Variants in TEX14 observed in about 807,000 individuals in gnomAD.
TEX14 encodes the protein inactive serine/threonine-protein kinase TEX14.
Under a neutral mutation model 178.6 loss-of-function variants are expected in TEX14, and 168 were observed. That is an observed-to-expected ratio of 0.94 (90% CI 0.83 to 1.07). The LOEUF (loss-of-function observed/expected upper bound fraction) is 1.07. TEX14 is among the 50% of genes least tolerant of loss of function. The pLI, the probability that TEX14 is intolerant of heterozygous loss-of-function variation, is 0.00. For missense variants in TEX14, 1,730 were observed against 1,753.6 expected (o/e 0.99, Z 0.24); for synonymous variants, 626 against 634.1 (o/e 0.99, Z 0.19).
At chr17:58,568,663 A>C (rs2044455318) in intron 26 of TEX14, among the ~76,000 whole-genome samples, 1 of 152,222 alleles carries the variant, frequency 6.6e-6, no homozygotes. Context: ...AATCAGCTGC[A>C]AATAAAATTT....
intron 1 of TEX14, among the ~76,000 whole-genome samples, chr17:58,658,485 G>A (rs1159023800): frequency 6.7e-6 from 1 of 149,908 alleles, no homozygotes; most frequent in Non-Finnish European, 1.5e-5. Flanking sequence ...TGCCTCCTGG[G>A]TTCAAGCGAT....
At position 58,657,761 on chromosome 17, in the gene TEX14, A is replaced by T. The variant is rs538856742; in HGVS notation, c.-1-5759T>A. On this transcript the variant is annotated intron_variant, in intron 1 of 31. Transcript: ENST00000349033. ...TAACTTTGGGAGAAACTTAGTTTAT[A>T]ATTTAAACAAAGATGGTAACAGCCT... 3.3e-5 allele frequency among the ~76,000 whole-genome samples: 5 copies of T among 152,206 alleles called. No individual in the cohort carries two copies. The South Asian group carries it at 1.0e-3, about 32-fold the overall frequency.
intron 5 of TEX14, among the ~76,000 whole-genome samples, chr17:58,618,803 C>T (rs2045933249): frequency 6.6e-6 from 1 of 152,236 alleles, no homozygotes; most frequent in Admixed American, 6.5e-5. Flanking sequence ...CTGCTTTAAG[C>T]TGCTATGCTA....
chr17:58,589,037 G>T (rs528514812), intron 15 of TEX14, among the ~76,000 whole-genome samples: 2 of 151,678 alleles, frequency 1.3e-5, no homozygotes, highest in Non-Finnish European at 2.9e-5. Context: ...ACTTTGGGAG[G>T]CCAGGGCAGG....
At chr17:58,596,768 A>G (rs2045294570) in intron 14 of TEX14, among the ~76,000 whole-genome samples, 1 of 151,184 alleles carries the variant, frequency 6.6e-6, no homozygotes. Flanking sequence ...GGGCGTGCTG[A>G]GACCCCATCT....
intron 9 of TEX14, among the ~76,000 whole-genome samples, chr17:58,611,569 C>T (rs1424054510): frequency 6.6e-6 from 1 of 152,194 alleles, no homozygotes; most frequent in Non-Finnish European, 1.5e-5. Flanking sequence ...TGAGCTGCTT[C>T]ATACCACAAA....
chr17:58,584,565 G>C lies in TEX14; in HGVS notation c.3106C>G (p.Pro1036Ala). 6.2e-7 allele frequency: 1 copy of C among 1,614,094 alleles called. No homozygotes were observed. Among genetic ancestry groups the C allele is most frequent in the Non-Finnish European group, 8.5e-7 (1 of 1,180,002 alleles). ...GCTTGGAAGGCTTCACTATGCTCTG[G>C]TTGCTCCTTTTGTCTGGGAGATGGG... ...RHPSPRQKEQ[P>A]EHSEAFQASS... The change falls in exon 19 of 32, where the codon CCA (proline) becomes GCA (alanine). Residue 1036 changes from proline to alanine, a missense_variant. Around this residue, in one of 2 missense-constraint regions of TEX14, gnomAD observed 941 missense variants for 1,072.4 expected, o/e 0.88. Coordinates refer to ENST00000349033, the MANE Select transcript of TEX14 (RefSeq NM_031272.5).
chr17:58,679,750 C>G (rs2143545653), intron 1 of TEX14: 2 of 152,250 alleles, frequency 1.3e-5, no homozygotes, highest in South Asian at 4.1e-4. Flanking sequence ...AATATAGGAT[C>G]ATTTTTCTCA....
chr17:58,660,175 C>T (rs2143355166), intron 1 of TEX14, among the ~76,000 whole-genome samples: 1 of 150,730 alleles, frequency 6.6e-6, no homozygotes, highest in East Asian at 2.0e-4. Flanking sequence ...GAGGCCGAGG[C>T]GGGTAGATCA....
intron 1 of TEX14, among the ~76,000 whole-genome samples, chr17:58,672,574 T>C (rs1821730557): frequency 6.6e-6 from 1 of 152,022 alleles, no homozygotes; most frequent in African/African-American, 2.4e-5. Context: ...GCTGGGATTA[T>C]AGGCACGCGC....
At chr17:58,629,651 T>A (rs2046234288) in intron 3 of TEX14, among the ~76,000 whole-genome samples, 1 of 151,230 alleles carries the variant, frequency 6.6e-6, no homozygotes, top group East Asian at 2.0e-4. Flanking sequence ...CTGGCTAGCA[T>A]CATGAAACCC....
intron 2 of TEX14, among the ~76,000 whole-genome samples, chr17:58,651,264 A>C (rs1425002208): frequency 6.6e-6 from 1 of 152,202 alleles, no homozygotes; most frequent in Non-Finnish European, 1.5e-5. Context: ...CAACAGAGTG[A>C]GACTCTGTCT....
chr17:58,662,626 C>T (rs1283751396), intron 1 of TEX14, among the ~76,000 whole-genome samples: 1 of 152,166 alleles, frequency 6.6e-6, no homozygotes, highest in Non-Finnish European at 1.5e-5. Context: ...TTCCTGCCAA[C>T]TCAGGTGTGC....
intron 15 of TEX14, among the ~76,000 whole-genome samples, chr17:58,589,702 A>C (rs1251842204): frequency 6.7e-6 from 1 of 150,242 alleles, no homozygotes; most frequent in Non-Finnish European, 1.5e-5. Flanking sequence ...CCTTTTTAAA[A>C]AAATAAAATT....
intron 15 of TEX14, among the ~76,000 whole-genome samples, chr17:58,589,336 G>A (rs1006748373): frequency 2.0e-5 from 3 of 151,696 alleles, no homozygotes; most frequent in South Asian, 2.1e-4. Context: ...ACCGGGGCAG[G>A]TGAATCATGA....
chr17:58,557,185 T>A, intron 31 of TEX14, 138 bp from the exon 32 acceptor site: 1 of 714,322 alleles, frequency 1.4e-6, no homozygotes, highest in South Asian at 1.6e-5. Context: ...TCAAGGGCGA[T>A]TATAACCAAC....
intron 1 of TEX14, chr17:58,661,582 G>A (rs1246051718): frequency 1.4e-6 from 1 of 729,214 alleles, no homozygotes; most frequent in East Asian, 2.4e-5. Context: ...GCAGGAACTC[G>A]TCTTCAGCAG....
At chr17:58,686,801 G>A (rs1005760269) in intron 1 of TEX14, among the ~76,000 whole-genome samples, 1 of 144,408 alleles carries the variant, frequency 6.9e-6, no homozygotes, top group African/African-American at 2.5e-5. Flanking sequence ...TTTCTCCTCA[G>A]TCTGAACAAC....
At chr17:58,646,092 A>G (rs990642729) in intron 2 of TEX14, among the ~76,000 whole-genome samples, 9 of 152,182 alleles carry the variant, frequency 5.9e-5, no homozygotes, top group African/African-American at 2.2e-4. Context: ...GGTTGAATCC[A>G]CAAATGTGGA....
Sources: gnomAD v4.1 joint callset for allele counts (sites outside exome capture counted in the v4.1 genomes callset) on GRCh38, gnomAD v4.1.1 for gene constraint, gnomAD v4.1.1 regional missense constraint, MANE v1.5 for transcripts, NCBI Gene and HGNC (gene_info 2026-07-23, HGNC 2026-07-21) for gene names.